The following DST variants were observed in gnomAD, a reference collection of about 807,000 sequenced individuals.
DST encodes the protein dystonin.
In DST, 253 loss-of-function variants were observed where a neutral mutation model predicts 875.2. The ratio of observed to expected loss-of-function variants is 0.29; its 90% CI spans 0.26 to 0.32. The LOEUF (loss-of-function observed/expected upper bound fraction) is 0.32, where lower values mean the gene tolerates loss of function less well. DST is among the 10% of genes least tolerant of loss of function. The pLI, the probability that DST is intolerant of heterozygous loss-of-function variation, is 1.00. For synonymous variants in DST, 3,124 were observed against 3,197.1 expected (o/e 0.98, Z 0.77); for missense variants, 8,287 against 9,111.6 (o/e 0.91, Z 3.68).
intron 82 of DST, among the ~76,000 whole-genome samples, chr6:56,496,672 G>T (rs1383541249): frequency 6.6e-6 from 1 of 151,926 alleles, no homozygotes; most frequent in Non-Finnish European, 1.5e-5. Context: ...GTGGGGGAAG[G>T]TTTGTGTCTA....
chr6:56,589,574 A>G (rs2098231407), intron 49 of DST, among the ~76,000 whole-genome samples: 1 of 152,198 alleles, frequency 6.6e-6, no homozygotes, highest in East Asian at 1.9e-4. Context: ...CTGACTTAAC[A>G]CCACCCCAAA....
At position 56,477,459 on chromosome 6, in the gene DST, T is replaced by C. The variant is rs2095246347; in HGVS notation, c.21561A>G (p.Arg7187=). The change falls in exon 91 of 104, where the codon AGA becomes AGG. Residue 7187 remains arginine, a synonymous_variant. Transcript: ENST00000680361. ...KEFMKKLEEK[R]AELNKATTMG... ...TAGTGGTGGCTTTATTTAGTTCAGC[T>C]CTCTTTTCTTCCAGTTTCTTCATGA... The C allele has an allele frequency of 6.2e-7, 1 of 1,613,956 alleles. No individual in the cohort carries two copies. The highest frequency in any genetic ancestry group is 8.5e-7 in the Non-Finnish European group (1 of 1,179,858).
chr6:56,810,425 TAA>T (rs1260212905), intron 4 of DST, among the ~76,000 whole-genome samples: 3 of 152,190 alleles, frequency 2.0e-5, no homozygotes, highest in African/African-American at 7.2e-5. Context: ...TACCCAAGTA[TAA>T]ACATCTGAAT....
chr6:56,605,304 G>A lies in DST; in HGVS notation c.9324C>T (p.Ser3108=). The part of the protein sequence containing the change: ...TNNEELNQKG[S]LKKATVTLKD... ...TAAGAGTTACAGTTGCTTTTTTAAG[G>A]CTTCCTTTCTGATTAAGTTCTTCAT... Residue 3108 remains serine (S), a synonymous_variant, in exon 40 of 104, where the codon AGC becomes AGT. Coordinates refer to ENST00000680361, the MANE Select transcript of DST (RefSeq NM_001374736.1). The A allele has an allele frequency of 6.2e-7, 1 of 1,611,478 alleles. No individual in the cohort carries two copies. The highest frequency in any genetic ancestry group is 8.5e-7 in the Non-Finnish European group (1 of 1,178,820).
intron 47 of DST, 74 bp downstream of exon 47, chr6:56,597,666 A>G: frequency 6.8e-7 from 1 of 1,469,532 alleles, no homozygotes; most frequent in Non-Finnish European, 9.2e-7. Context: ...AAAAGAACTC[A>G]TGTGCTAGGT....
intron 69 of DST, among the ~76,000 whole-genome samples, chr6:56,521,337 C>T (rs2096697004): frequency 6.6e-6 from 1 of 151,152 alleles, no homozygotes; most frequent in Non-Finnish European, 1.5e-5. Context: ...TTTTTTCTTC[C>T]ACTGGTTCCT....
intron 5 of DST, among the ~76,000 whole-genome samples, chr6:56,730,882 G>A (rs1256970925): frequency 6.6e-6 from 1 of 152,054 alleles, no homozygotes; most frequent in Non-Finnish European, 1.5e-5. Flanking sequence ...TGAACTACCG[G>A]AACACTAAAA....
intron 2 of DST, among the ~76,000 whole-genome samples, chr6:56,948,642 G>A (rs1820845875): frequency 6.6e-6 from 1 of 152,096 alleles, no homozygotes; most frequent in Non-Finnish European, 1.5e-5. Flanking sequence ...ACAGAAGAGG[G>A]GACTACTGTA....
At chr6:56,516,065 C>T (rs189310510) in intron 71 of DST, among the ~76,000 whole-genome samples, 2 of 151,020 alleles carry the variant, frequency 1.3e-5, no homozygotes, top group Admixed American at 1.3e-4. Flanking sequence ...TATATACACA[C>T]ACACATATAT....
chr6:56,643,752 G>T (rs1222391259), intron 15 of DST, among the ~76,000 whole-genome samples: 1 of 152,168 alleles, frequency 6.6e-6, no homozygotes, highest in Non-Finnish European at 1.5e-5. Flanking sequence ...TCAAGAAAGG[G>T]GAAATTTGAG....
chr6:56,674,881 T>C (rs61012299), intron 9 of DST, among the ~76,000 whole-genome samples: 23 of 152,310 alleles, frequency 1.5e-4, no homozygotes, highest in African/African-American at 5.1e-4. Flanking sequence ...AAAATTCTCA[T>C]GACACTTCGC....
At position 56,526,579 on chromosome 6, in the gene DST, C is replaced by T; in HGVS notation, c.17923-12G>A. ...TCCTTTTTCAGTTCCTGAAAACATA[C>T]AAATAAGTTAGTAACACTTAAGAGC... On this transcript the variant is annotated splice_polypyrimidine_tract_variant and intron_variant, in intron 68 of 103. Coordinates refer to ENST00000680361, the MANE Select transcript of DST (RefSeq NM_001374736.1). 1 of 1,611,624 alleles carries T rather than the reference C, an allele frequency of 6.2e-7. No individual in the cohort carries two copies. The highest frequency in any genetic ancestry group is 8.5e-7 in the Non-Finnish European group (1 of 1,178,588).
intron 66 of DST, among the ~76,000 whole-genome samples, chr6:56,529,160 AG>A (rs993758157): frequency 7.9e-5 from 12 of 152,208 alleles, no homozygotes; most frequent in Non-Finnish European, 1.6e-4. Flanking sequence ...GAAAATACTT[AG>A]GGCCCTATGA....
intron 4 of DST, among the ~76,000 whole-genome samples, chr6:56,807,966 G>C (rs2099755143): frequency 1.3e-5 from 2 of 152,098 alleles, no homozygotes; most frequent in Non-Finnish European, 2.9e-5. Context: ...TTCTCATACA[G>C]ATTTTCTGAT....
chr6:56,639,809 A>T, intron 19 of DST, 36 bp from the exon 20 acceptor site: 1 of 1,599,538 alleles, frequency 6.3e-7, no homozygotes, highest in Non-Finnish European at 8.6e-7. Flanking sequence ...TCCAGTCAGG[A>T]ATCTGAAGGA....
Position 56,605,819 on chromosome 6 carries a change from C to G in DST, c.8809G>C (p.Ala2937Pro). 1.9e-6 allele frequency: 3 copies of G among 1,612,330 alleles called. No homozygotes were observed. The South Asian group carries it at 3.3e-5, about 18-fold the overall frequency. ...DTESEKTFGP[A>P]SISHDNNNIS... ...TTATTATTATCATGTGAAATACTTG[C>G]AGGGCCAAAAGTTTTTTCAGATTCA... Residue 2937 changes from alanine (A) to proline (P), a missense_variant, in exon 40 of 104, where the codon GCA (alanine) becomes CCA (proline). Around this residue, in one of 10 missense-constraint regions of DST, gnomAD observed 3,138 missense variants for 3,116.6 expected, o/e 1.01. Coordinates refer to ENST00000680361, the MANE Select transcript of DST (RefSeq NM_001374736.1).
rs534900035 is a variant in DST, at chr6:56,778,995, C to T, written c.626-43706G>A. Among the ~76,000 whole-genome samples, 4 of 152,146 alleles carry T rather than the reference C, an allele frequency of 2.6e-5. No homozygotes were observed. In the South Asian group the frequency reaches 8.3e-4, roughly 32 times the overall value. On this transcript the variant is annotated intron_variant, in intron 4 of 103. Transcript: ENST00000680361. Reference sequence around the variant, plus strand: ...CAATGGTTGAATGAGTTTACAGTCCCACCAATAGCGTAAAAGTGTTCCTAT... The same window carrying T: ...CAATGGTTGAATGAGTTTACAGTCCTACCAATAGCGTAAAAGTGTTCCTAT...
chr6:56,690,443 G>A (rs2099220632), intron 9 of DST, among the ~76,000 whole-genome samples: 1 of 152,128 alleles, frequency 6.6e-6, no homozygotes, highest in African/African-American at 2.4e-5. Context: ...CCCTGAACCA[G>A]GAAGACCACT....
chr6:56,581,933 T>C (rs924171267), intron 49 of DST, among the ~76,000 whole-genome samples: 1 of 152,186 alleles, frequency 6.6e-6, no homozygotes, highest in Non-Finnish European at 1.5e-5. Flanking sequence ...TCCTCCTAGA[T>C]TCCATCCTAA....
Sources: gnomAD v4.1 joint callset for allele counts (sites outside exome capture counted in the v4.1 genomes callset) on GRCh38, gnomAD v4.1.1 for gene constraint, gnomAD v4.1.1 regional missense constraint, MANE v1.5 for transcripts, NCBI Gene and HGNC (gene_info 2026-07-23, HGNC 2026-07-21) for gene names.